SCRG1: variants seen among roughly 807,000 people sequenced by gnomAD.
The protein encoded by SCRG1 is scrapie-responsive protein 1.
A neutral mutation model predicts 7.7 loss-of-function variants in SCRG1; 3 were observed. That is an observed-to-expected ratio of 0.39 (90% confidence interval 0.18 to 1.01). The LOEUF is 1.01. SCRG1 is among the 50% of genes least tolerant of loss of function. The pLI is 0.36. For synonymous variants in SCRG1, 46 were observed against 41.2 expected (o/e 1.12, Z -0.44); for missense variants, 110 against 117.2 (o/e 0.94, Z 0.28).
the SCRG1 span, among the ~76,000 whole-genome samples, chr4:173,465,863 T>C: frequency 5.3e-5 from 8 of 152,240 alleles, no homozygotes; most frequent in Non-Finnish European, 1.0e-4. Context: ...CACATATGAA[T>C]GAGGACATGC....
At chr4:173,473,067 G>T in the SCRG1 span, among the ~76,000 whole-genome samples, 11 of 152,314 alleles carry the variant, frequency 7.2e-5, no homozygotes, top group Admixed American at 3.9e-4. Context: ...CAAAGCTATT[G>T]TTGGAATAAA....
chr4:173,454,172 G>C, the SCRG1 span, among the ~76,000 whole-genome samples: 1 of 152,048 alleles, frequency 6.6e-6, no homozygotes, highest in African/African-American at 2.4e-5. Context: ...GGAAGGTGGA[G>C]ATCGCTTTTA....
the SCRG1 span, among the ~76,000 whole-genome samples, chr4:173,459,211 A>G: frequency 1.3e-5 from 2 of 152,238 alleles, no homozygotes; most frequent in South Asian, 2.1e-4. Flanking sequence ...CTGATCATCT[A>G]GAAAGAAAAT....
the SCRG1 span, among the ~76,000 whole-genome samples, chr4:173,438,084 G>A: frequency 1.3e-3 from 191 of 152,154 alleles, 4 homozygotes; most frequent in South Asian, 0.038. Context: ...GTAACCTAAG[G>A]TTGACAACTA....
At chr4:173,429,416 C>T in the SCRG1 span, among the ~76,000 whole-genome samples, 2 of 152,138 alleles carry the variant, frequency 1.3e-5, no homozygotes, top group South Asian at 2.1e-4. Context: ...CTTTAGCCTC[C>T]TAAGTAGTTG....
At chr4:173,397,055 A>G (rs1438748725) in intron 1 of SCRG1, among the ~76,000 whole-genome samples, 1 of 152,182 alleles carries the variant, frequency 6.6e-6, no homozygotes, top group African/African-American at 2.4e-5. Context: ...TCCGTCTCAA[A>G]AAAATGAAAT....
At chr4:173,452,288 G>A in the SCRG1 span, among the ~76,000 whole-genome samples, 1 of 152,064 alleles carries the variant, frequency 6.6e-6, no homozygotes, top group African/African-American at 2.4e-5. Flanking sequence ...ACTATTCATT[G>A]AATGGAGGTG....
chr4:173,518,098 A>G, the SCRG1 span, among the ~76,000 whole-genome samples: 1 of 152,256 alleles, frequency 6.6e-6, no homozygotes, highest in Non-Finnish European at 1.5e-5. Flanking sequence ...TAAGTTTAAA[A>G]CAATATTCGC....
At chr4:173,468,008 A>C in the SCRG1 span, 2 of 152,650 alleles carry the variant, frequency 1.3e-5, no homozygotes, top group African/African-American at 4.8e-5. Context: ...TTTTAGCCCA[A>C]TTAAGCCCAT....
chr4:173,414,168 C>T, the SCRG1 span, among the ~76,000 whole-genome samples: 1 of 152,162 alleles, frequency 6.6e-6, no homozygotes, highest in African/African-American at 2.4e-5. Flanking sequence ...GAGGGTCAGA[C>T]CCCGGAACAC....
the SCRG1 span, among the ~76,000 whole-genome samples, chr4:173,482,412 T>A: frequency 9.2e-5 from 14 of 152,274 alleles, no homozygotes; most frequent in African/African-American, 2.9e-4. Context: ...GTGTGGTAAA[T>A]TAGATACAGT....
the SCRG1 span, among the ~76,000 whole-genome samples, chr4:173,416,607 G>T: frequency 6.6e-6 from 1 of 152,210 alleles, no homozygotes; most frequent in African/African-American, 2.4e-5. Flanking sequence ...AACAGAGTGG[G>T]ACCCCGTCTC....
exon 1 of SCRG1, chr4:173,406,336 A>G (rs916459400): frequency 6.6e-6 from 1 of 152,158 alleles, no homozygotes; most frequent in Non-Finnish European, 1.5e-5. Flanking sequence ...GACAGACTCT[A>G]CTCATTTCCA....
chr4:173,456,647 G>A, the SCRG1 span, among the ~76,000 whole-genome samples: 1 of 152,094 alleles, frequency 6.6e-6, no homozygotes, highest in Non-Finnish European at 1.5e-5. Flanking sequence ...AGAGGTCACA[G>A]GTAGAAATGC....
the SCRG1 span, among the ~76,000 whole-genome samples, chr4:173,516,253 G>C: frequency 8.5e-5 from 13 of 152,226 alleles, no homozygotes; most frequent in Non-Finnish European, 1.8e-4. Flanking sequence ...GTTGGTAGCA[G>C]TTTAAAATTA....
chr4:173,431,190 T>A, the SCRG1 span, among the ~76,000 whole-genome samples: 1 of 152,190 alleles, frequency 6.6e-6, no homozygotes, highest in African/African-American at 2.4e-5. Flanking sequence ...GTTCTGCTGA[T>A]GGGCAAAGGG....
chr4:173,498,324 C>A, the SCRG1 span, among the ~76,000 whole-genome samples: 1 of 152,130 alleles, frequency 6.6e-6, no homozygotes, highest in Non-Finnish European at 1.5e-5. Flanking sequence ...CAATTTTGGC[C>A]CAGATATCCC....
At chr4:173,483,543 T>C in the SCRG1 span, among the ~76,000 whole-genome samples, 12 of 93,582 alleles carry the variant, frequency 1.3e-4, 1 homozygote, top group African/African-American at 2.7e-4. Flanking sequence ...TTATGATATA[T>C]AATATATATT....
chr4:173,402,017 G>A (rs903581827), upstream of SCRG1, among the ~76,000 whole-genome samples: 1 of 152,130 alleles, frequency 6.6e-6, no homozygotes, highest in Admixed American at 6.6e-5. Context: ...TGTAAATGGA[G>A]CCTTAAGGCC....
Sources: gnomAD v4.1 joint callset for allele counts (sites outside exome capture counted in the v4.1 genomes callset) on GRCh38, gnomAD v4.1.1 for gene constraint, MANE v1.5 for transcripts, NCBI Gene and HGNC (gene_info 2026-07-23, HGNC 2026-07-21) for gene names.